Variants in ARHGEF38 observed in about 807,000 individuals in gnomAD.
ARHGEF38 encodes Rho guanine nucleotide exchange factor (GEF) 38.
A neutral mutation model predicts 79.9 loss-of-function variants in ARHGEF38; 79 were observed. That is an observed-to-expected ratio of 0.99 (90% CI 0.82 to 1.19). The LOEUF (loss-of-function observed/expected upper bound fraction) is 1.19, where lower values mean the gene tolerates loss of function less well. Ranked by LOEUF, ARHGEF38 falls within the 50% of genes most tolerant of loss-of-function variation. The probability of loss-of-function intolerance (pLI) is 0.00; values close to 1 mark genes in which losing one functional copy is unlikely to be tolerated. For missense variants in ARHGEF38, 962 were observed against 907.2 expected, an observed-to-expected ratio of 1.06 and a Z score of -0.78; for synonymous variants, 366 against 328.3, an observed-to-expected ratio of 1.11 and a Z score of -1.24.
At chr4:105,609,757 A>T (rs374676268) in intron 2 of ARHGEF38, among the ~76,000 whole-genome samples, 66 of 152,264 alleles carry the variant, frequency 4.3e-4, no homozygotes, top group East Asian at 3.5e-3. Flanking sequence ...ATATCTTGCG[A>T]TAAGTACTTT....
At chr4:105,634,242 G>C (rs1047837169) in intron 4 of ARHGEF38, among the ~76,000 whole-genome samples, 4 of 152,256 alleles carry the variant, frequency 2.6e-5, no homozygotes, top group South Asian at 4.1e-4. Context: ...TGCTTTCCCT[G>C]AAGCAGGTGG....
chr4:105,665,612 A>G (rs781365806), intron 10 of ARHGEF38, among the ~76,000 whole-genome samples: 1 of 152,070 alleles, frequency 6.6e-6, no homozygotes, highest in Admixed American at 6.6e-5. Context: ...AGATTTAAAA[A>G]TTTTTAAGAG....
intron 2 of ARHGEF38, among the ~76,000 whole-genome samples, chr4:105,593,444 G>T (rs1471144895): frequency 1.3e-5 from 2 of 152,062 alleles, no homozygotes; most frequent in African/African-American, 4.8e-5. Context: ...AGGCTGAGGT[G>T]GGAGGATCAC....
intron 1 of ARHGEF38, among the ~76,000 whole-genome samples, chr4:105,564,582 A>G (rs1031597801): frequency 6.6e-6 from 1 of 152,210 alleles, no homozygotes; most frequent in Non-Finnish European, 1.5e-5. Context: ...ATGTGAATGT[A>G]TTTAATGATA....
At chr4:105,568,227 AC>A (rs1238751531) in intron 1 of ARHGEF38, among the ~76,000 whole-genome samples, 4 of 152,076 alleles carry the variant, frequency 2.6e-5, no homozygotes, top group East Asian at 1.9e-4. Flanking sequence ...CAGCCAAAAA[AC>A]ATATGAAAAA....
chr4:105,643,855 T>TCTAAGATG (rs1266960239), intron 5 of ARHGEF38, among the ~76,000 whole-genome samples: 1 of 151,240 alleles, frequency 6.6e-6, no homozygotes, highest in Non-Finnish European at 1.5e-5. Context: ...TTAGATGGTC[T>TCTAAGATG]CTAAGATGCC....
chr4:105,553,384 G>C (rs977515396), intron 1 of ARHGEF38, among the ~76,000 whole-genome samples: 3 of 152,132 alleles, frequency 2.0e-5, no homozygotes, highest in African/African-American at 7.2e-5. Context: ...TAATGGTACT[G>C]AACTATGATT....
At chr4:105,562,714 G>A (rs1260104153) in intron 1 of ARHGEF38, among the ~76,000 whole-genome samples, 1 of 152,182 alleles carries the variant, frequency 6.6e-6, no homozygotes, top group Non-Finnish European at 1.5e-5. Flanking sequence ...GAGACAGGTT[G>A]TGAACAAATT....
intron 1 of ARHGEF38, among the ~76,000 whole-genome samples, chr4:105,575,732 C>T (rs372104732): frequency 1.8e-4 from 27 of 152,090 alleles, no homozygotes; most frequent in African/African-American, 5.8e-4. Flanking sequence ...CCTAGGCCAA[C>T]GTCCAGAAGA....
chr4:105,653,479 G>A (rs371666208), intron 7 of ARHGEF38, among the ~76,000 whole-genome samples: 20 of 152,042 alleles, frequency 1.3e-4, no homozygotes, highest in African/African-American at 4.8e-4. Flanking sequence ...CACACCACCA[G>A]GCCTGGCTAC....
At chr4:105,646,680 G>A (rs558544163) in intron 6 of ARHGEF38, among the ~76,000 whole-genome samples, 4 of 152,110 alleles carry the variant, frequency 2.6e-5, no homozygotes, top group Non-Finnish European at 5.9e-5. Flanking sequence ...CTGGTAACTA[G>A]CATTGTTCAT....
At chr4:105,672,693 A>G (rs4235415) in intron 13 of ARHGEF38, among the ~76,000 whole-genome samples, 45,112 of 152,150 alleles carry the variant, frequency 0.3, 11,287 homozygotes, top group African/African-American at 0.69. Flanking sequence ...GTTTAGCTGG[A>G]TGCCCTGCTT....
At chr4:105,629,893 A>G (rs1729110167) in intron 3 of ARHGEF38, among the ~76,000 whole-genome samples, 1 of 152,176 alleles carries the variant, frequency 6.6e-6, no homozygotes, top group Non-Finnish European at 1.5e-5. Context: ...GATCTATTTT[A>G]TTATCACATA....
chr4:105,664,008 A>C (rs1030244197), intron 10 of ARHGEF38, among the ~76,000 whole-genome samples: 3 of 151,610 alleles, frequency 2.0e-5, no homozygotes, highest in East Asian at 1.9e-4. Context: ...ACAAAAAAAA[A>C]CCCTAAAGCA....
intron 5 of ARHGEF38, among the ~76,000 whole-genome samples, chr4:105,640,988 G>C (rs1325766248): frequency 2.0e-5 from 3 of 152,148 alleles, no homozygotes; most frequent in African/African-American, 7.2e-5. Flanking sequence ...TGGACACTTA[G>C]TGAGTTCTTT....
At chr4:105,681,151 A>C (rs4699195), downstream of ARHGEF38, among the ~76,000 whole-genome samples, 27,266 of 152,038 alleles carry the variant, frequency 0.18, 4,228 homozygotes, top group African/African-American at 0.42. Context: ...CATTATTTAC[A>C]TATAGGGTAA....
At chr4:105,583,203 T>C (rs1383660472) in intron 1 of ARHGEF38, among the ~76,000 whole-genome samples, 2 of 152,236 alleles carry the variant, frequency 1.3e-5, no homozygotes, top group East Asian at 3.8e-4. Flanking sequence ...TACATGCTAT[T>C]TTATTTTAAT....
At chr4:105,593,377 A>G (rs1055189030) in intron 2 of ARHGEF38, among the ~76,000 whole-genome samples, 4 of 150,764 alleles carry the variant, frequency 2.7e-5, no homozygotes, top group African/African-American at 9.7e-5. Flanking sequence ...CCTCATCCCT[A>G]TTTAAAAAAA....
In ARHGEF38 at chr4:105,678,709, C is replaced by T. The variant is rs546893862; in HGVS notation, c.*772C>T. 2 of 152,108 alleles carry T rather than the reference C, an allele frequency of 1.3e-5. No individual in the cohort carries two copies. Among genetic ancestry groups the T allele is most frequent in the South Asian group, 4.2e-4 (2 of 4,818 alleles). 9.4% of individuals were successfully genotyped at this position (152,108 alleles called of 1,614,324 possible). On this transcript the variant is annotated 3_prime_UTR_variant, in exon 14 of 14. Coordinates refer to ENST00000420470, the MANE Select transcript of ARHGEF38 (RefSeq NM_001242729.2). ...AATCACATTGCTATTAAGTGGTGGG[C>T]CTGGACTTAAACCTAGGTAGTGTAA...
Sources: allele counts gnomAD v4.1 joint callset (sites outside exome capture counted in the v4.1 genomes callset), GRCh38; gene constraint gnomAD v4.1.1; transcripts MANE v1.5; gene names NCBI Gene and HGNC (gene_info 2026-07-23, HGNC 2026-07-21).